ITGA1: variants seen among roughly 807,000 people sequenced by gnomAD.
ITGA1 encodes the protein integrin alpha-1.
In ITGA1, 85 loss-of-function variants were observed where a neutral mutation model predicts 145.9. The ratio of observed to expected loss-of-function variants is 0.58; its 90% confidence interval spans 0.49 to 0.70. The LOEUF (loss-of-function observed/expected upper bound fraction) is 0.70. Among genes scored for constraint, ITGA1 ranks in the 30% least tolerant of loss-of-function variants. ITGA1 has a pLI of 0.00. For synonymous variants in ITGA1, 520 were observed against 495.3 expected (o/e 1.05, Z -0.66); for missense variants, 1,351 against 1,418.7 (o/e 0.95, Z 0.77).
chr5:52,821,976 A>C (rs1047640308), intron 1 of ITGA1, among the ~76,000 whole-genome samples: 2 of 152,214 alleles, frequency 1.3e-5, no homozygotes, highest in African/African-American at 4.8e-5. Flanking sequence ...GCTTTTAGGA[A>C]TGAATATATC....
intron 2 of ITGA1, among the ~76,000 whole-genome samples, chr5:52,852,518 G>C (rs1383470969): frequency 1.3e-5 from 2 of 152,126 alleles, no homozygotes; most frequent in African/African-American, 4.8e-5. Flanking sequence ...AGGTGTAGGA[G>C]AGGTCAGATA....
At chr5:52,789,023 C>G (rs765237744) in intron 1 of ITGA1, among the ~76,000 whole-genome samples, 2 of 152,170 alleles carry the variant, frequency 1.3e-5, no homozygotes, top group African/African-American at 2.4e-5. Context: ...GTAAATATCA[C>G]AGGGCAGTCT....
At chr5:52,861,607 ACG>A (rs1561229861) in intron 3 of ITGA1, 48 bp downstream of exon 3, 1 of 1,084,366 alleles carries the variant, frequency 9.2e-7, no homozygotes, top group South Asian at 1.3e-5. Flanking sequence ...GCGGTGAGTC[ACG>A]CCTGTAATCC....
intron 8 of ITGA1, among the ~76,000 whole-genome samples, chr5:52,892,281 C>T (rs530653439): frequency 2.0e-5 from 3 of 152,156 alleles, no homozygotes; most frequent in East Asian, 3.9e-4. Flanking sequence ...AAATAAGACA[C>T]CACTATACGC....
At chr5:52,911,993 T>TATA (rs1554046457) in intron 14 of ITGA1, among the ~76,000 whole-genome samples, 1 of 91,110 alleles carries the variant, frequency 1.1e-5, no homozygotes, top group African/African-American at 5.0e-5. Flanking sequence ...ATATGTATAG[T>TATA]GTGTATCTAC....
Position 52,958,995 on chromosome 5 carries a change from G to A in ITGA1, c.*6544G>A, listed in dbSNP as rs1743496344. 2 of 152,064 alleles carry A rather than the reference G, an allele frequency of 1.3e-5. No homozygotes were observed. The highest frequency in any genetic ancestry group is 4.8e-5 in the African/African-American group (2 of 41,422). 9.4% of individuals were successfully genotyped at this position (152,064 alleles called of 1,614,324 possible). A position where few individuals can be genotyped will look rare whatever the true frequency, so the allele number is the denominator to read the frequency against. On this transcript the variant is annotated 3_prime_UTR_variant, in exon 29 of 29. Coordinates refer to ENST00000282588, the MANE Select transcript of ITGA1 (RefSeq NM_181501.2). Reference sequence around the variant, plus strand: ...CATTTTGTAAAGAAATCAGGTAACAGTCATTTAATCTGATATAATTAGAAA... The same window carrying A: ...CATTTTGTAAAGAAATCAGGTAACAATCATTTAATCTGATATAATTAGAAA...
rs904770859 is a variant in ITGA1 at position 52,957,305 on chromosome 5, C to T, written c.*4854C>T. The T allele has an allele frequency of 6.6e-6, 1 of 151,818 alleles. No homozygotes were observed. Among genetic ancestry groups the T allele is most frequent in the Non-Finnish European group, 1.5e-5 (1 of 67,942 alleles). 9.4% of individuals were successfully genotyped at this position (151,818 alleles called of 1,614,324 possible). ...AGGGCCGATGCTTAACCCTTGAACC[C>T]ACTACTGTTCTTATGCCCCAAGATC... On this transcript the variant is annotated 3_prime_UTR_variant, in exon 29 of 29. Coordinates refer to ENST00000282588, the MANE Select transcript of ITGA1 (RefSeq NM_181501.2).
chr5:52,836,165 A>T (rs1749159116), intron 1 of ITGA1, among the ~76,000 whole-genome samples: 1 of 152,178 alleles, frequency 6.6e-6, no homozygotes, highest in Admixed American at 6.6e-5. Flanking sequence ...CGTATTTATT[A>T]AATTTCTCCC....
At chr5:52,865,157 CA>C in intron 5 of ITGA1, 75 bp downstream of exon 5, 1 of 1,058,780 alleles carries the variant, frequency 9.4e-7, no homozygotes, top group East Asian at 2.4e-5. Context: ...TACAAAGGAA[CA>C]TACCAAAAAG....
At chr5:52,859,865 G>A (rs79640780) in intron 2 of ITGA1, among the ~76,000 whole-genome samples, 11,075 of 152,202 alleles carry the variant, frequency 0.073, 421 homozygotes, top group South Asian at 0.13. Context: ...AGAACACAGG[G>A]GGACTATCAC....
chr5:52,841,884 C>A (rs1749258344), intron 1 of ITGA1, among the ~76,000 whole-genome samples: 1 of 151,532 alleles, frequency 6.6e-6, no homozygotes, highest in Non-Finnish European at 1.5e-5. Flanking sequence ...CTCTTTCCAC[C>A]AGGAGGCTTT....
chr5:52,834,282 A>G (rs1580053566), intron 1 of ITGA1, among the ~76,000 whole-genome samples: 1 of 152,264 alleles, frequency 6.6e-6, no homozygotes, highest in Admixed American at 6.5e-5. Context: ...TATAACAGAA[A>G]TGTATTCTCC....
intron 21 of ITGA1, 99 bp downstream of exon 21, chr5:52,929,800 C>G (rs954385719): frequency 1.6e-5 from 10 of 639,190 alleles, no homozygotes; most frequent in Middle Eastern, 2.6e-4. Context: ...CAGTTTCTTC[C>G]AGGTTGTAGG....
chr5:52,792,203 C>A (rs912932811), intron 1 of ITGA1, among the ~76,000 whole-genome samples: 1 of 152,152 alleles, frequency 6.6e-6, no homozygotes, highest in African/African-American at 2.4e-5. Context: ...GGCCTAGAAG[C>A]AAGGGTCTTC....
chr5:52,820,256 A>C (rs1748854604), intron 1 of ITGA1, among the ~76,000 whole-genome samples: 1 of 151,536 alleles, frequency 6.6e-6, no homozygotes, highest in South Asian at 2.1e-4. Context: ...CATCATTCTC[A>C]GCAAACTATC....
At chr5:52,808,676 C>CTTTTTTTTTTTTTT (rs60113844) in intron 1 of ITGA1, among the ~76,000 whole-genome samples, 225 of 69,318 alleles carry the variant, frequency 3.2e-3, no homozygotes, top group East Asian at 6.8e-3. Flanking sequence ...TTCTTTCTTT[C>CTTTTTTTTTTTTTT]TTTTTTTTTT....
intron 1 of ITGA1, among the ~76,000 whole-genome samples, chr5:52,834,844 C>T (rs955145650): frequency 3.7e-4 from 56 of 152,012 alleles, no homozygotes; most frequent in African/African-American, 1.4e-3. Context: ...GGCCCTATTT[C>T]CAAATGCTGT....
At chr5:52,898,564 A>T (rs1750267366) in intron 11 of ITGA1, among the ~76,000 whole-genome samples, 181 bp downstream of exon 11, 1 of 152,134 alleles carries the variant, frequency 6.6e-6, no homozygotes, top group Non-Finnish European at 1.5e-5. Context: ...AGTCAAAATG[A>T]CATACATGGG....
At chr5:52,910,515 C>A (rs1215983964) in intron 14 of ITGA1, 96 bp downstream of exon 14, 1 of 1,307,956 alleles carries the variant, frequency 7.6e-7, no homozygotes, top group Non-Finnish European at 1.0e-6. Context: ...TTAATTTCTT[C>A]CTCCTGACCT....
Sources: gnomAD v4.1 joint callset for allele counts (sites outside exome capture counted in the v4.1 genomes callset) on GRCh38, gnomAD v4.1.1 for gene constraint, MANE v1.5 for transcripts, NCBI Gene and HGNC (gene_info 2026-07-23, HGNC 2026-07-21) for gene names.